The following PTPRD variants were observed in gnomAD, a reference collection of about 807,000 sequenced individuals.
PTPRD encodes receptor-type tyrosine-protein phosphatase delta.
Under a neutral mutation model 214.5 loss-of-function variants are expected in PTPRD, and 34 were observed. The observed-to-expected ratio is 0.16, with a 90% CI of 0.12 to 0.21. The LOEUF (loss-of-function observed/expected upper bound fraction) is 0.21. PTPRD is among the 10% of genes least tolerant of loss of function. The pLI is 1.00. For synonymous variants in PTPRD, 1,128 were observed against 845.7 expected (o/e 1.33, Z -5.79); for missense variants, 2,545 against 2,398.7 (o/e 1.06, Z -1.27).
chr9:9,520,006 T>C (rs1352919233), intron 8 of PTPRD, among the ~76,000 whole-genome samples: 1 of 152,010 alleles, frequency 6.6e-6, no homozygotes, highest in East Asian at 1.9e-4. Flanking sequence ...AATAGGCCTA[T>C]GTATGTAGAC....
chr9:9,460,320 A>C (rs1300643707), intron 8 of PTPRD, among the ~76,000 whole-genome samples: 2 of 152,114 alleles, frequency 1.3e-5, no homozygotes, highest in African/African-American at 4.8e-5. Flanking sequence ...AGCAAATGCA[A>C]CAACAATAAA....
At position 9,985,463 on chromosome 9, in the gene PTPRD, G is replaced by A. The variant is rs529571896; in HGVS notation, c.-471-46853C>T. ...TTTATTTACAACATGCTGGGGCCAT[G>A]CCATATAATCTTTGGGAAAGATTCT... is the stretch of plus-strand genomic sequence containing the variant. On this transcript the variant is annotated intron_variant, in intron 4 of 45. Coordinates refer to ENST00000381196, the MANE Select transcript of PTPRD (RefSeq NM_002839.4). Among the ~76,000 whole-genome samples the A allele has an allele frequency of 6.6e-5, 10 of 152,188 alleles. No homozygotes were observed. In the East Asian group the frequency reaches 1.5e-3, roughly 23 times the overall value.
chr9:9,204,103 G>A (rs1003549463), intron 9 of PTPRD, among the ~76,000 whole-genome samples: 1 of 152,152 alleles, frequency 6.6e-6, no homozygotes, highest in African/African-American at 2.4e-5. Flanking sequence ...AATTAATGCT[G>A]TGCGCCAGGG....
At chr9:8,976,935 G>A (rs886864223) in intron 11 of PTPRD, among the ~76,000 whole-genome samples, 2 of 152,076 alleles carry the variant, frequency 1.3e-5, no homozygotes, top group African/African-American at 2.4e-5. Context: ...CAAAGCTTCA[G>A]TTCTACTTCT....
At chr9:8,999,067 C>T (rs549165941) in intron 11 of PTPRD, among the ~76,000 whole-genome samples, 1 of 152,154 alleles carries the variant, frequency 6.6e-6, no homozygotes, top group African/African-American at 2.4e-5. Context: ...GAATCTACTC[C>T]TGGGAAAGAT....
At chr9:9,450,840 A>G (rs1221187429) in intron 8 of PTPRD, among the ~76,000 whole-genome samples, 2 of 151,646 alleles carry the variant, frequency 1.3e-5, no homozygotes, top group Non-Finnish European at 2.9e-5. Flanking sequence ...ACTAAAATAA[A>G]TATAAATCAA....
At chr9:8,801,877 T>C (rs1272315193) in intron 11 of PTPRD, among the ~76,000 whole-genome samples, 2 of 152,130 alleles carry the variant, frequency 1.3e-5, no homozygotes, top group African/African-American at 4.8e-5. Flanking sequence ...ATTTGCATAC[T>C]GTACAAACTG....
chr9:10,184,388 G>A (rs1352101769), intron 3 of PTPRD, among the ~76,000 whole-genome samples: 1 of 151,932 alleles, frequency 6.6e-6, no homozygotes, highest in East Asian at 1.9e-4. Flanking sequence ...TGGCACCACG[G>A]CACTCCAGCC....
At chr9:8,465,761 A>T in intron 31 of PTPRD, 86 bp from the exon 32 acceptor site, 3 of 1,143,416 alleles carry the variant, frequency 2.6e-6, no homozygotes, top group South Asian at 3.1e-5. Flanking sequence ...TTAATTCAGA[A>T]CTGGGAACAA....
intron 14 of PTPRD, among the ~76,000 whole-genome samples, chr9:8,624,936 T>C (rs1387100548): frequency 6.6e-6 from 1 of 151,822 alleles, no homozygotes; most frequent in Non-Finnish European, 1.5e-5. Context: ...GTAAGACTCA[T>C]TCTTACCCAA....
At chr9:10,286,415 C>T (rs1395312832) in intron 3 of PTPRD, among the ~76,000 whole-genome samples, 1 of 151,836 alleles carries the variant, frequency 6.6e-6, no homozygotes, top group Non-Finnish European at 1.5e-5. Context: ...GCACTCCAGC[C>T]TGTGTGACAG....
intron 5 of PTPRD, among the ~76,000 whole-genome samples, chr9:9,778,902 G>C (rs1344069891): frequency 2.0e-5 from 3 of 151,380 alleles, no homozygotes; most frequent in Non-Finnish European, 4.4e-5. Flanking sequence ...AATAGTAAAA[G>C]CAATCCTAAG....
intron 12 of PTPRD, among the ~76,000 whole-genome samples, chr9:8,652,894 T>C (rs1006431232): frequency 1.3e-5 from 2 of 152,332 alleles, no homozygotes; most frequent in East Asian, 3.9e-4. Flanking sequence ...TGCAGGTTAT[T>C]GTGAGATAAG....
intron 7 of PTPRD, among the ~76,000 whole-genome samples, chr9:9,692,627 A>G (rs1005513362): frequency 7.6e-6 from 1 of 131,132 alleles, no homozygotes; most frequent in Admixed American, 7.5e-5. Flanking sequence ...GTGATTCTAT[A>G]TAAATTTTAA....
chr9:8,637,548 G>C (rs961308418), intron 12 of PTPRD, among the ~76,000 whole-genome samples: 1 of 152,156 alleles, frequency 6.6e-6, no homozygotes, highest in African/African-American at 2.4e-5. Flanking sequence ...ATAGACATTG[G>C]AAGCTTGTTC....
At chr9:8,323,379 C>A (rs1228043367) in intron 44 of PTPRD, among the ~76,000 whole-genome samples, 1 of 152,154 alleles carries the variant, frequency 6.6e-6, no homozygotes, top group African/African-American at 2.4e-5. Flanking sequence ...TAAGGCTATA[C>A]ATTCTATAGA....
chr9:8,675,438 C>A (rs1263165102), intron 12 of PTPRD, among the ~76,000 whole-genome samples: 1 of 150,870 alleles, frequency 6.6e-6, no homozygotes, highest in Non-Finnish European at 1.5e-5. Flanking sequence ...CCCCACTCCT[C>A]CCCCTCCTAA....
chr9:10,564,418 T>C lies in PTPRD; in HGVS notation c.-600+47980A>G, dbSNP rs534977812. Among the ~76,000 whole-genome samples, 5 of 150,832 alleles carry C rather than the reference T, an allele frequency of 3.3e-5. No individual in the cohort carries two copies. In the South Asian group the frequency reaches 6.3e-4, roughly 19 times the overall value. The stretch of plus-strand genomic sequence containing the variant: ...TTTAAATTTTGGCAGTAGGAGGCAC[T>C]GAAGGAACTAAGAAGGTTGATTAAA... On this transcript the variant is annotated intron_variant, in intron 2 of 45. Transcript: ENST00000381196.
At chr9:8,607,403 G>T (rs943771454) in intron 14 of PTPRD, among the ~76,000 whole-genome samples, 6 of 152,172 alleles carry the variant, frequency 3.9e-5, no homozygotes, top group Non-Finnish European at 8.8e-5. Flanking sequence ...CCAACACTTT[G>T]GGAGGCTGAG....
Sources: gnomAD v4.1 joint callset for allele counts (sites outside exome capture counted in the v4.1 genomes callset) on GRCh38, gnomAD v4.1.1 for gene constraint, MANE v1.5 for transcripts, NCBI Gene and HGNC (gene_info 2026-07-23, HGNC 2026-07-21) for gene names.